LHFPL3: variants seen among roughly 807,000 people sequenced by gnomAD.
The protein encoded by LHFPL3 is LHFPL tetraspan subfamily member 3 protein.
LHFPL3 carries 5 observed loss-of-function variants against 19.3 expected under a neutral mutation model. The ratio of observed to expected loss-of-function variants is 0.26; its 90% CI spans 0.14 to 0.54. The LOEUF (loss-of-function observed/expected upper bound fraction) is 0.54, where lower values mean the gene tolerates loss of function less well. LHFPL3 is among the 20% of genes least tolerant of loss of function. The probability of loss-of-function intolerance (pLI) is 0.94; values close to 1 mark genes in which losing one functional copy is unlikely to be tolerated. For missense variants in LHFPL3, 249 were observed against 307.4 expected (o/e 0.81, Z 1.42); for synonymous variants, 133 against 126.2 (o/e 1.05, Z -0.36).
chr7:104,578,803 C>A (rs970769365), intron 1 of LHFPL3, among the ~76,000 whole-genome samples: 2 of 152,138 alleles, frequency 1.3e-5, no homozygotes, highest in African/African-American at 4.8e-5. Flanking sequence ...GATGACAGGC[C>A]ATCAGATAAA....
intron 2 of LHFPL3, among the ~76,000 whole-genome samples, chr7:104,739,744 G>A (rs1316311662): frequency 1.3e-5 from 2 of 152,156 alleles, no homozygotes; most frequent in African/African-American, 4.8e-5. Flanking sequence ...AATTTTAGAA[G>A]AATTTATTCA....
chr7:104,348,263 T>C (rs761737302), intron 1 of LHFPL3, among the ~76,000 whole-genome samples: 5 of 152,094 alleles, frequency 3.3e-5, no homozygotes, highest in Admixed American at 6.5e-5. Context: ...TGCGTGCCTG[T>C]AATTCCAGCT....
At chr7:104,572,402 A>C (rs774288539) in intron 1 of LHFPL3, among the ~76,000 whole-genome samples, 2 of 152,230 alleles carry the variant, frequency 1.3e-5, no homozygotes, top group Non-Finnish European at 1.5e-5. Context: ...GTTTTATTTC[A>C]AAAGAATTAA....
At chr7:104,832,808 C>T in intron 2 of LHFPL3, among the ~76,000 whole-genome samples, 1 of 148,030 alleles carries the variant, frequency 6.8e-6, no homozygotes, top group African/African-American at 2.5e-5. Flanking sequence ...GAAACCCTGT[C>T]TCTACTAAAA....
At chr7:104,823,362 T>G (rs544752848) in intron 2 of LHFPL3, among the ~76,000 whole-genome samples, 1 of 152,268 alleles carries the variant, frequency 6.6e-6, no homozygotes, top group Non-Finnish European at 1.5e-5. Flanking sequence ...TTTTTTCATC[T>G]CTAAAATGAG....
At chr7:104,513,110 A>G (rs777731326) in intron 1 of LHFPL3, among the ~76,000 whole-genome samples, 1 of 152,238 alleles carries the variant, frequency 6.6e-6, no homozygotes, top group Non-Finnish European at 1.5e-5. Flanking sequence ...TCTAGAGGCT[A>G]TGTGCCAAGC....
chr7:104,650,506 AT>A lies in LHFPL3; in HGVS notation c.446-86168del, dbSNP rs148288366. ...TTAATGAATGAGGAATATTAGGGAA[AT>A]ATTTCAGACTAAGCTAACATGGACA... On this transcript the variant is annotated intron_variant, in intron 1 of 2. Coordinates refer to ENST00000424859, the MANE Select transcript of LHFPL3 (RefSeq NM_199000.3). 7.9e-3 allele frequency among the ~76,000 whole-genome samples: 1,200 copies of A among 152,348 alleles called. 5 individuals carry two copies. The highest frequency in any genetic ancestry group is 0.012 in the Non-Finnish European group (831 of 68,026).
intron 1 of LHFPL3, among the ~76,000 whole-genome samples, chr7:104,609,777 G>T (rs1038492129): frequency 1.3e-5 from 2 of 152,150 alleles, no homozygotes; most frequent in Non-Finnish European, 2.9e-5. Context: ...GTTAAAAAGT[G>T]CAGTAATTTA....
chr7:104,655,664 C>A (rs1298588644), intron 1 of LHFPL3, among the ~76,000 whole-genome samples: 1 of 152,204 alleles, frequency 6.6e-6, no homozygotes, highest in Non-Finnish European at 1.5e-5. Flanking sequence ...CTGATACAGG[C>A]TACTTTGGCA....
chr7:104,523,509 C>G (rs577493083), intron 1 of LHFPL3, among the ~76,000 whole-genome samples: 1 of 152,296 alleles, frequency 6.6e-6, no homozygotes, highest in Non-Finnish European at 1.5e-5. Flanking sequence ...TTAACCAAAG[C>G]TGATCAGGAG....
At chr7:104,427,975 A>C (rs1429704630) in intron 1 of LHFPL3, among the ~76,000 whole-genome samples, 1 of 152,224 alleles carries the variant, frequency 6.6e-6, no homozygotes, top group African/African-American at 2.4e-5. Flanking sequence ...CATATGCCAG[A>C]GGAGAACTTC....
At chr7:104,406,576 C>T (rs988709772) in intron 1 of LHFPL3, among the ~76,000 whole-genome samples, 4 of 152,296 alleles carry the variant, frequency 2.6e-5, no homozygotes, top group Admixed American at 6.5e-5. Context: ...AGAATTCTAA[C>T]CCGGGTCTTC....
chr7:104,790,958 G>A (rs537434276), intron 2 of LHFPL3, among the ~76,000 whole-genome samples: 1 of 152,264 alleles, frequency 6.6e-6, no homozygotes, highest in Non-Finnish European at 1.5e-5. Context: ...TTCTCCACAT[G>A]GTTGACCTAA....
chr7:104,400,786 G>T (rs1490296795), intron 1 of LHFPL3, among the ~76,000 whole-genome samples: 1 of 152,096 alleles, frequency 6.6e-6, no homozygotes, highest in Non-Finnish European at 1.5e-5. Context: ...CACCCCAATT[G>T]TTAACCTCCT....
At chr7:104,833,976 AC>A (rs1321613492) in intron 2 of LHFPL3, among the ~76,000 whole-genome samples, 1 of 145,430 alleles carries the variant, frequency 6.9e-6, no homozygotes, top group Non-Finnish European at 1.5e-5. Context: ...GAGTAAGGAG[AC>A]CCAGTCTGAG....
chr7:104,354,838 A>G (rs1790244172), intron 1 of LHFPL3, among the ~76,000 whole-genome samples: 1 of 152,194 alleles, frequency 6.6e-6, no homozygotes, highest in South Asian at 2.1e-4. Context: ...AGTGAAATCA[A>G]TTTCAATAAT....
At chr7:104,455,331 A>G (rs557017700) in intron 1 of LHFPL3, among the ~76,000 whole-genome samples, 1 of 152,220 alleles carries the variant, frequency 6.6e-6, no homozygotes, top group East Asian at 1.9e-4. Context: ...TGATCTTAAA[A>G]TTTGGACAAT....
At chr7:104,574,584 C>T (rs1290464526) in intron 1 of LHFPL3, among the ~76,000 whole-genome samples, 1 of 152,092 alleles carries the variant, frequency 6.6e-6, no homozygotes, top group African/African-American at 2.4e-5. Flanking sequence ...GAGATGTCCT[C>T]TAGAAAATAC....
chr7:104,603,222 GTCTTGCTTTGT>G (rs1791021775), intron 1 of LHFPL3, among the ~76,000 whole-genome samples: 1 of 135,002 alleles, frequency 7.4e-6, no homozygotes, highest in Non-Finnish European at 1.6e-5. Context: ...TCAAGACATG[GTCTTGCTTTGT>G]TGCCCCAGCT....
Sources: allele counts gnomAD v4.1 joint callset (sites outside exome capture counted in the v4.1 genomes callset), GRCh38; gene constraint gnomAD v4.1.1; transcripts MANE v1.5; gene names NCBI Gene and HGNC (gene_info 2026-07-23, HGNC 2026-07-21).